Variants in CRADD observed in about 807,000 individuals in gnomAD.
The protein encoded by CRADD is CARD and death domain containing adaptor protein.
A neutral mutation model predicts 15.5 loss-of-function variants in CRADD; 9 were observed. The ratio of observed to expected loss-of-function variants is 0.58; its 90% CI spans 0.35 to 1.01. The LOEUF (loss-of-function observed/expected upper bound fraction) is 1.01. Ranked by LOEUF, CRADD falls within the 50% of genes least tolerant of loss-of-function variation. The probability of loss-of-function intolerance (pLI) is 0.02; values close to 1 mark genes in which losing one functional copy is unlikely to be tolerated. For missense variants in CRADD, 227 were observed against 250.3 expected, an observed-to-expected ratio of 0.91 and a Z score of 0.63; for synonymous variants, 118 against 107.6, an observed-to-expected ratio of 1.10 and a Z score of -0.60.
chr12:93,843,117 A>G (rs1340318688), intron 2 of CRADD, among the ~76,000 whole-genome samples: 1 of 152,162 alleles, frequency 6.6e-6, no homozygotes, highest in Non-Finnish European at 1.5e-5. Context: ...GCCTCACCCC[A>G]GGGTATGTGA....
intron 2 of CRADD, among the ~76,000 whole-genome samples, chr12:93,695,997 C>T (rs975497038): frequency 7.2e-5 from 11 of 152,100 alleles, no homozygotes; most frequent in Non-Finnish European, 1.6e-4. Context: ...ATCAACATCG[C>T]AAATCACCAG....
At chr12:93,706,073 A>C (rs527903285) in intron 2 of CRADD, among the ~76,000 whole-genome samples, 95 of 152,354 alleles carry the variant, frequency 6.2e-4, no homozygotes, top group African/African-American at 1.8e-3. Flanking sequence ...ATGTACTCGT[A>C]TAGCTGCCAA....
At chr12:93,842,930 A>G (rs1455552400) in intron 2 of CRADD, among the ~76,000 whole-genome samples, 1 of 152,156 alleles carries the variant, frequency 6.6e-6, no homozygotes, top group Non-Finnish European at 1.5e-5. Context: ...GACGAGTTTC[A>G]CTGAGAATGG....
chr12:93,681,070 G>C (rs1955282922), intron 2 of CRADD, among the ~76,000 whole-genome samples: 1 of 152,072 alleles, frequency 6.6e-6, no homozygotes, highest in Admixed American at 6.6e-5. Context: ...TTTTAGTAGA[G>C]ATGGGGTTTC....
At chr12:93,702,746 C>T (rs1190781699) in intron 2 of CRADD, among the ~76,000 whole-genome samples, 2 of 151,974 alleles carry the variant, frequency 1.3e-5, no homozygotes, top group Non-Finnish European at 2.9e-5. Flanking sequence ...TCTCTCTACC[C>T]TCCCAGCCCC....
intron 2 of CRADD, among the ~76,000 whole-genome samples, chr12:93,842,838 G>T (rs1037649270): frequency 1.3e-5 from 2 of 150,402 alleles, no homozygotes; most frequent in African/African-American, 4.9e-5. Context: ...GTAGGGGGAG[G>T]TGTTTCCATT....
chr12:93,845,578 A>ATATAT (rs11474114), intron 2 of CRADD, among the ~76,000 whole-genome samples: 7 of 77,290 alleles, frequency 9.1e-5, no homozygotes, highest in East Asian at 7.2e-4. Context: ...ATATATATAT[A>ATATAT]TTTTTAATAA....
In CRADD at chr12:93,859,155, T is replaced by C. The variant is rs143974845; in HGVS notation, c.299-34895T>C. ...ATAAATGCCTGATTGTGTGTGCAGA[T>C]GAGTGTTTAACACACCCAGTTACCT... is the stretch of plus-strand genomic sequence containing the variant. On this transcript the variant is annotated intron_variant, in intron 2 of 2. Transcript: ENST00000548483. Among the ~76,000 whole-genome samples the C allele has an allele frequency of 3.9e-4, 60 of 152,372 alleles. No individual in the cohort carries two copies. In the East Asian group the frequency reaches 7.9e-3, roughly 20 times the overall value.
At chr12:93,821,302 A>C (rs1957767191) in intron 2 of CRADD, among the ~76,000 whole-genome samples, 1 of 152,150 alleles carries the variant, frequency 6.6e-6, no homozygotes, top group Non-Finnish European at 1.5e-5. Context: ...ATTCCCTACC[A>C]GGCCCCTGTA....
chr12:93,848,823 A>G (rs1958169973), intron 2 of CRADD: 2 of 152,134 alleles, frequency 1.3e-5, no homozygotes, highest in Admixed American at 1.3e-4. Context: ...ATTTATAACC[A>G]TTCACTCAAT....
intron 2 of CRADD, among the ~76,000 whole-genome samples, chr12:93,689,767 C>T (rs1037658364): frequency 6.6e-6 from 1 of 152,128 alleles, no homozygotes; most frequent in African/African-American, 2.4e-5. Context: ...AAAAGCATCT[C>T]CCAATTCTAC....
chr12:93,887,439 G>T (rs1031490404), intron 2 of CRADD, among the ~76,000 whole-genome samples: 2 of 152,210 alleles, frequency 1.3e-5, no homozygotes, highest in African/African-American at 4.8e-5. Context: ...AGCCATGTCC[G>T]TCTGGCAAGA....
chr12:93,887,889 G>A (rs1281744044), intron 2 of CRADD, among the ~76,000 whole-genome samples: 1 of 152,184 alleles, frequency 6.6e-6, no homozygotes, highest in Non-Finnish European at 1.5e-5. Context: ...TAGACTTCAT[G>A]TATAACATGA....
rs573033428 is a variant in CRADD, at chr12:93,829,594, C to T, written c.299-20376C>T. ...ATGAAACACATCTACGGGCCAAATT[C>T]AGTCCATTGCTACCACTGTGCAGCC... On this transcript the variant is annotated intron_variant, in intron 2 of 2. Transcript: ENST00000332896. Among the ~76,000 whole-genome samples, 4 of 152,328 alleles carry T rather than the reference C, an allele frequency of 2.6e-5. No homozygotes were observed. The South Asian group carries it at 8.3e-4, about 32-fold the overall frequency.
intron 2 of CRADD, among the ~76,000 whole-genome samples, chr12:93,721,972 A>C (rs1043709837): frequency 6.6e-6 from 1 of 152,032 alleles, no homozygotes; most frequent in African/African-American, 2.4e-5. Context: ...CTGACCTAAC[A>C]TTATTTTCCT....
chr12:93,749,438 A>G (rs994363177), intron 2 of CRADD, among the ~76,000 whole-genome samples: 11 of 152,184 alleles, frequency 7.2e-5, no homozygotes, highest in African/African-American at 2.7e-4. Context: ...GGTTTTTAGG[A>G]CAGGGACATA....
At chr12:93,879,599 C>G (rs1216224682) in intron 2 of CRADD, among the ~76,000 whole-genome samples, 1 of 152,156 alleles carries the variant, frequency 6.6e-6, no homozygotes, top group African/African-American at 2.4e-5. Flanking sequence ...GCAGGTTGCC[C>G]TCAAATAAAC....
At position 93,740,760 on chromosome 12, in the gene CRADD, T is replaced by C. The variant is rs77949110; in HGVS notation, c.298+61688T>C. Among the ~76,000 whole-genome samples the C allele has an allele frequency of 5.6e-3, 850 of 152,374 alleles. 2 individuals are homozygous for C. The highest frequency in any genetic ancestry group is 0.014 in the Middle Eastern group (4 of 294). On this transcript the variant is annotated intron_variant, in intron 2 of 2. Transcript: ENST00000332896. ...TATATTTATTACAGCAGTCTAGTTA[T>C]TGTTTGTGTAACTATAGTTTTTTTC...
chr12:93,838,678 A>T (rs1397153336), intron 2 of CRADD, among the ~76,000 whole-genome samples: 1 of 150,242 alleles, frequency 6.7e-6, no homozygotes, highest in East Asian at 2.0e-4. Flanking sequence ...CCTCCCTCTC[A>T]TAGATAAGGA....
Sources: gnomAD v4.1 joint callset for allele counts (sites outside exome capture counted in the v4.1 genomes callset) on GRCh38, gnomAD v4.1.1 for gene constraint, MANE v1.5 for transcripts, NCBI Gene and HGNC (gene_info 2026-07-23, HGNC 2026-07-21) for gene names.